The following ZFHX3 variants were observed in gnomAD, a reference collection of about 807,000 sequenced individuals.
ZFHX3 encodes zinc finger homeobox 3, also known as zinc finger homeobox protein 3.
ZFHX3 carries 42 observed loss-of-function variants against 279.1 expected under a neutral mutation model. The observed-to-expected ratio is 0.15, with a 90% confidence interval of 0.12 to 0.19. The LOEUF is 0.19. ZFHX3 is among the 10% of genes least tolerant of loss of function. The pLI is 1.00. For missense variants in ZFHX3, 4,981 were observed against 4,754.0 expected, an observed-to-expected ratio of 1.05 and a Z score of -1.40; for synonymous variants, 2,293 against 1,957.8, an observed-to-expected ratio of 1.17 and a Z score of -4.52.
At chr16:72,963,376 G>C (rs147461542) in intron 1 of ZFHX3, among the ~76,000 whole-genome samples, 13 of 152,298 alleles carry the variant, frequency 8.5e-5, no homozygotes, top group African/African-American at 3.1e-4. Context: ...CAACATATGG[G>C]CTTCAAGAAT....
chr16:72,805,284 C>T (rs1038953211), intron 7 of ZFHX3, among the ~76,000 whole-genome samples: 1 of 152,046 alleles, frequency 6.6e-6, no homozygotes, highest in Non-Finnish European at 1.5e-5. Flanking sequence ...GCCTGGCCAG[C>T]AGAGATATTT....
At chr16:72,861,772 T>C (rs978949357) in intron 4 of ZFHX3, among the ~76,000 whole-genome samples, 14 of 152,104 alleles carry the variant, frequency 9.2e-5, no homozygotes, top group Non-Finnish European at 1.5e-5. Flanking sequence ...CCCAGCACTT[T>C]GGGAGGCAGA....
At chr16:73,183,554 G>C (rs901549547) in intron 5 of ZFHX3, among the ~76,000 whole-genome samples, 1 of 152,180 alleles carries the variant, frequency 6.6e-6, no homozygotes, top group African/African-American at 2.4e-5. Context: ...CCTTGTTCAC[G>C]GCTGTCACTG....
intron 4 of ZFHX3, among the ~76,000 whole-genome samples, chr16:72,837,907 AACTCTTTTTC>A (rs1170199665): frequency 2.0e-5 from 3 of 152,290 alleles, no homozygotes; most frequent in Non-Finnish European, 4.4e-5. Context: ...TGGACCTACA[AACTCTTTTTC>A]ACATGGATCC....
chr16:73,796,972 C>T (rs1404946927), intron 1 of ZFHX3, among the ~76,000 whole-genome samples: 5 of 151,902 alleles, frequency 3.3e-5, no homozygotes, highest in Admixed American at 2.6e-4. Flanking sequence ...GAGGCCAAGG[C>T]GGGTGGATCA....
chr16:73,808,623 T>G (rs975533070), intron 1 of ZFHX3: 5 of 152,228 alleles, frequency 3.3e-5, no homozygotes, highest in African/African-American at 1.2e-4. Flanking sequence ...GAAGGTGGCA[T>G]ACATAATGGG....
rs540489083 is a variant in ZFHX3, at chr16:73,401,749, G to A, written c.-1291+54254C>T. ...TATTTCTAAAATGTCTCCAGCCTAC[G>A]ATTTGTCATAAACACCTATCATTCT... On this transcript the variant is annotated intron_variant, in intron 3 of 17. Transcript: ENST00000641206. 3.3e-5 allele frequency: 5 copies of A among 152,282 alleles called. No homozygotes were observed. The East Asian group carries it at 9.6e-4, about 29-fold the overall frequency. 9.4% of individuals were successfully genotyped at this position (152,282 alleles called of 1,614,324 possible).
At position 73,450,883 on chromosome 16, in the gene ZFHX3, G is replaced by C. The variant is rs186173627; in HGVS notation, c.-1291+5120C>G. Among the ~76,000 whole-genome samples, 79 of 152,126 alleles carry C rather than the reference G, an allele frequency of 5.2e-4. No homozygotes were observed. In the East Asian group the frequency reaches 0.011, roughly 21 times the overall value. On this transcript the variant is annotated intron_variant, in intron 3 of 17. Transcript: ENST00000641206. ...TTTTCTTATTAATGTAGTGTATAGA[G>C]CATTTTTATTTTTCTTGGCTGCTTT...
chr16:73,386,848 TG>T (rs1354466414), intron 3 of ZFHX3: 1 of 151,780 alleles, frequency 6.6e-6, no homozygotes, highest in African/African-American at 2.4e-5. Flanking sequence ...TGGCTTAGGG[TG>T]GGATTACATA....
chr16:73,577,917 G>C (rs2051817485), intron 2 of ZFHX3, among the ~76,000 whole-genome samples: 1 of 152,124 alleles, frequency 6.6e-6, no homozygotes, highest in African/African-American at 2.4e-5. Flanking sequence ...TCCAAATTAG[G>C]CTACAGTGGT....
At chr16:73,273,024 T>C (rs1050647968) in intron 4 of ZFHX3, among the ~76,000 whole-genome samples, 12 of 152,082 alleles carry the variant, frequency 7.9e-5, no homozygotes, top group Non-Finnish European at 4.4e-5. Context: ...TGAGATAACA[T>C]GTGTGAGCCA....
rs141280950 is a variant in ZFHX3, at chr16:73,081,990, C to T, written c.-533+11245G>A. Reference sequence around the variant, plus strand: ...TAGCTGAGACTACAGGTGTGTACCACCACACCCAGCTAATTTTTATATTTT... The same window carrying T: ...TAGCTGAGACTACAGGTGTGTACCATCACACCCAGCTAATTTTTATATTTT... On this transcript the variant is annotated intron_variant, in intron 8 of 17. Transcript: ENST00000641206. 3.5e-3 allele frequency among the ~76,000 whole-genome samples: 527 copies of T among 151,990 alleles called. 4 individuals carry two copies. Among genetic ancestry groups the T allele is most frequent in the African/African-American group, 0.012 (501 of 41,446 alleles).
chr16:73,278,530 G>A (rs530026918), intron 4 of ZFHX3, among the ~76,000 whole-genome samples: 3 of 152,212 alleles, frequency 2.0e-5, no homozygotes, highest in Admixed American at 2.0e-4. Context: ...GGTTTATTGT[G>A]AAGAGCAAAA....
At chr16:73,523,224 A>G (rs1263125981) in intron 2 of ZFHX3, among the ~76,000 whole-genome samples, 1 of 152,232 alleles carries the variant, frequency 6.6e-6, no homozygotes, top group Non-Finnish European at 1.5e-5. Context: ...TTCAGGCTAA[A>G]CGAGCAAATA....
At chr16:72,809,006 G>A (rs1318687467) in intron 7 of ZFHX3, among the ~76,000 whole-genome samples, 2 of 152,136 alleles carry the variant, frequency 1.3e-5, no homozygotes, top group East Asian at 1.9e-4. Context: ...TTAGGGATTG[G>A]CACCCAAGCA....
chr16:72,855,727 G>A (rs1003778105), intron 4 of ZFHX3, among the ~76,000 whole-genome samples: 1 of 152,146 alleles, frequency 6.6e-6, no homozygotes, highest in Non-Finnish European at 1.5e-5. Flanking sequence ...CCAGAGAAAC[G>A]CAGGGGTCCT....
At chr16:73,451,574 A>G (rs1161907554) in intron 3 of ZFHX3, among the ~76,000 whole-genome samples, 2 of 152,188 alleles carry the variant, frequency 1.3e-5, no homozygotes, top group African/African-American at 4.8e-5. Flanking sequence ...TATTTTTGCT[A>G]CTACTGAACA....
intron 2 of ZFHX3, among the ~76,000 whole-genome samples, chr16:73,592,889 A>T (rs1483471531): frequency 1.3e-5 from 2 of 152,100 alleles, no homozygotes; most frequent in African/African-American, 4.8e-5. Flanking sequence ...GGTAAGACAA[A>T]CCAAGAAAAC....
At chr16:73,481,011 G>A (rs138040682) in intron 2 of ZFHX3, among the ~76,000 whole-genome samples, 5 of 152,236 alleles carry the variant, frequency 3.3e-5, no homozygotes, top group African/African-American at 1.2e-4. Flanking sequence ...TCTGTGCTAG[G>A]TCTTCCCAAA....
Sources: gnomAD v4.1 joint callset for allele counts (sites outside exome capture counted in the v4.1 genomes callset) on GRCh38, gnomAD v4.1.1 for gene constraint, MANE v1.5 for transcripts, NCBI Gene and HGNC (gene_info 2026-07-23, HGNC 2026-07-21) for gene names.